WDFY4: variants seen among roughly 807,000 people sequenced by gnomAD.
WDFY4 encodes the protein WDFY family member 4.
A neutral mutation model predicts 351.9 loss-of-function variants in WDFY4; 169 were observed. The ratio of observed to expected loss-of-function variants is 0.48; its 90% confidence interval spans 0.42 to 0.55. The LOEUF (loss-of-function observed/expected upper bound fraction) is 0.55, where lower values mean the gene tolerates loss of function less well. Among genes scored for constraint, WDFY4 ranks in the 20% least tolerant of loss-of-function variants. The pLI is 0.00. For missense variants in WDFY4, 3,803 were observed against 3,935.6 expected, an observed-to-expected ratio of 0.97 and a Z score of 0.90; for synonymous variants, 1,622 against 1,574.6, an observed-to-expected ratio of 1.03 and a Z score of -0.71.
rs1565198398 is a variant in WDFY4, at chr10:48,787,892, TCCTTCTTC to T, written c.3809-637_3809-630del. Among the ~76,000 whole-genome samples the T allele has an allele frequency of 3.1e-3, 224 of 72,304 alleles. 11 individuals carry two copies. The highest frequency in any genetic ancestry group is 0.011 in the East Asian group (19 of 1,728). The allele number at this position is 72,304 out of a possible 152,430, so 47.4% of individuals were successfully genotyped here. A position where few individuals can be genotyped will look rare whatever the true frequency, so the allele number is the denominator to read the frequency against. On this transcript the variant is annotated intron_variant, in intron 20 of 61. Transcript: ENST00000325239. ...CTTTCTTCTTTCTTTCTTCTTCTTC[TCCTTCTTC>T]TTCTTCTTCTTCTTCTTCTTCTTCT...
At chr10:48,876,547 C>G (rs2070017468) in intron 42 of WDFY4, among the ~76,000 whole-genome samples, 1 of 152,224 alleles carries the variant, frequency 6.6e-6, no homozygotes, top group African/African-American at 2.4e-5. Context: ...TTAGCACTAT[C>G]TCTGGGTGCA....
rs1465628690 is a variant in WDFY4 at position 48,873,515 on chromosome 10, G to A, written c.6766G>A (p.Ala2256Thr). 3.9e-6 allele frequency: 6 copies of A among 1,550,874 alleles called. No homozygotes were observed. Among genetic ancestry groups the A allele is most frequent in the Non-Finnish European group, 5.2e-6 (6 of 1,146,692 alleles). ...VQRRKCGNIK[A>T]ANAWARIQEQ... is the part of the protein sequence containing the mutation. ...GAGGCGAAAATGTGGCAACATCAAG[G>A]CAGCCAACGCCTGGGCCAGGATCCA... Residue 2256 changes from alanine to threonine, a missense_variant, in exon 41 of 62, where the codon GCA becomes ACA. Around this residue, in one of 3 missense-constraint regions of WDFY4, gnomAD observed 3,054 missense variants for 3,148.6 expected, o/e 0.97. Coordinates refer to ENST00000325239, the MANE Select transcript of WDFY4 (RefSeq NM_001394531.1).
At chr10:48,722,441 G>A (rs2064122450) in intron 4 of WDFY4, among the ~76,000 whole-genome samples, 2 of 152,220 alleles carry the variant, frequency 1.3e-5, no homozygotes, top group South Asian at 4.1e-4. Context: ...TTAACAAGGA[G>A]TCAAATACAT....
intron 1 of WDFY4, among the ~76,000 whole-genome samples, chr10:48,707,072 C>T (rs983626475): frequency 7.2e-5 from 11 of 152,036 alleles, no homozygotes; most frequent in African/African-American, 2.7e-4. Flanking sequence ...TCTCATGAAG[C>T]AGCAAGAGAA....
At chr10:48,848,234 A>G (rs2068842608) in intron 39 of WDFY4, among the ~76,000 whole-genome samples, 1 of 152,306 alleles carries the variant, frequency 6.6e-6, no homozygotes, top group African/African-American at 2.4e-5. Flanking sequence ...ACATAAGGAT[A>G]GTATACACAT....
intron 47 of WDFY4, among the ~76,000 whole-genome samples, chr10:48,926,865 T>C (rs1019547943): frequency 6.6e-6 from 1 of 152,166 alleles, no homozygotes; most frequent in African/African-American, 2.4e-5. Flanking sequence ...TAGGTGGCAA[T>C]GGAGGCAGGA....
chr10:48,770,867 A>G (rs1456424149), intron 13 of WDFY4, among the ~76,000 whole-genome samples: 3 of 152,254 alleles, frequency 2.0e-5, no homozygotes, highest in Admixed American at 6.5e-5. Flanking sequence ...CCTCTCCTCC[A>G]TATCAGTGAC....
At chr10:48,963,773 A>G (rs957764807) in intron 53 of WDFY4, 69 bp from the exon 54 acceptor site, 16 of 1,464,806 alleles carry the variant, frequency 1.1e-5, no homozygotes, top group Non-Finnish European at 1.5e-5. Context: ...TGCCCCTTCC[A>G]ATCTGTGCAG....
At chr10:48,820,113 C>A in intron 32 of WDFY4, 121 bp from the exon 33 acceptor site, 2 of 1,134,414 alleles carry the variant, frequency 1.8e-6, no homozygotes, top group East Asian at 2.6e-5. Flanking sequence ...CTGTGCGGAG[C>A]CTCAATTTCC....
intron 12 of WDFY4, among the ~76,000 whole-genome samples, chr10:48,748,629 G>C (rs1396535793): frequency 6.6e-6 from 1 of 152,064 alleles, no homozygotes; most frequent in African/African-American, 2.4e-5. Context: ...ATGTCATCCT[G>C]GTTTTGTAAT....
Position 48,972,050 on chromosome 10 carries a change from T to G in WDFY4, c.8928+1761T>G, listed in dbSNP as rs60324988. On this transcript the variant is annotated intron_variant, in intron 57 of 61. Transcript: ENST00000325239. ...ACAGTGAAAATGCACAGAAACACCCTCGTATCGACCTCATAAAAATGTAAT... is the reference window on the plus strand; with the variant it reads ...ACAGTGAAAATGCACAGAAACACCCGCGTATCGACCTCATAAAAATGTAAT... Among the ~76,000 whole-genome samples the G allele has an allele frequency of 5.9e-5, 9 of 152,288 alleles. No individual in the cohort carries two copies. The East Asian group carries it at 1.7e-3, about 29-fold the overall frequency.
At chr10:48,782,777 A>C (rs2066270489) in intron 19 of WDFY4, among the ~76,000 whole-genome samples, 1 of 152,242 alleles carries the variant, frequency 6.6e-6, no homozygotes, top group African/African-American at 2.4e-5. Context: ...AACTTACATA[A>C]ATTTGTAAAG....
chr10:48,906,336 CT>C (rs1282524098), intron 47 of WDFY4, among the ~76,000 whole-genome samples: 28 of 151,268 alleles, frequency 1.9e-4, no homozygotes, highest in African/African-American at 6.9e-4. Flanking sequence ...CCAGAGTTTG[CT>C]GAGGCTTTCA....
intron 39 of WDFY4, among the ~76,000 whole-genome samples, chr10:48,851,334 G>A (rs1332401935): frequency 1.3e-5 from 2 of 152,208 alleles, no homozygotes; most frequent in African/African-American, 4.8e-5. Context: ...TTCATTTTGT[G>A]CTGCTATCAA....
chr10:48,806,184 T>G (rs2067249190), intron 27 of WDFY4, 89 bp downstream of exon 27: 3 of 1,362,900 alleles, frequency 2.2e-6, no homozygotes, highest in African/African-American at 1.4e-5. Flanking sequence ...AGGGGCTAAG[T>G]AAGGAAGGGG....
At chr10:48,735,435 A>G (rs537858243) in intron 10 of WDFY4, among the ~76,000 whole-genome samples, 29 of 152,222 alleles carry the variant, frequency 1.9e-4, no homozygotes, top group Non-Finnish European at 4.1e-4. Context: ...GGAAGAAATT[A>G]TGGGGAAATC....
At chr10:48,771,751 C>G (rs527377194) in intron 13 of WDFY4, among the ~76,000 whole-genome samples, 1 of 152,248 alleles carries the variant, frequency 6.6e-6, no homozygotes, top group East Asian at 1.9e-4. Context: ...TCTGTGAATC[C>G]CTTGAAAGCA....
At chr10:48,847,635 C>A (rs867198529) in intron 39 of WDFY4, among the ~76,000 whole-genome samples, 2 of 152,024 alleles carry the variant, frequency 1.3e-5, no homozygotes, top group African/African-American at 4.8e-5. Context: ...GCCAGCGTGG[C>A]GACACCTCCC....
At chr10:48,943,296 A>T (rs763163858) in intron 48 of WDFY4, 34 bp from the exon 49 acceptor site, 23 of 1,549,996 alleles carry the variant, frequency 1.5e-5, no homozygotes, top group Admixed American at 2.0e-5. Flanking sequence ...CATCAAACGT[A>T]TTTGGTTTAT....
Sources: gnomAD v4.1 joint callset for allele counts (sites outside exome capture counted in the v4.1 genomes callset) on GRCh38, gnomAD v4.1.1 for gene constraint, gnomAD v4.1.1 regional missense constraint, MANE v1.5 for transcripts, NCBI Gene and HGNC (gene_info 2026-07-23, HGNC 2026-07-21) for gene names.